BET1L: variants seen among roughly 807,000 people sequenced by gnomAD.
BET1L encodes the protein BET1-like protein.
Under a neutral mutation model 12.6 loss-of-function variants are expected in BET1L, and 13 were observed. The ratio of observed to expected loss-of-function variants is 1.03; its 90% CI spans 0.67 to 1.64. The LOEUF is 1.64. BET1L is among the 40% of genes most tolerant of loss of function. BET1L has a pLI of 0.00. For synonymous variants in BET1L, 60 were observed against 56.9 expected (o/e 1.05, Z -0.25); for missense variants, 154 against 150.7 (o/e 1.02, Z -0.11).
rs1855082855 is a variant in BET1L, at chr11:203,594, G to T, written c.*1708C>A. ...AGATGGAGATACAATGCAGGCAGCT[G>T]CTACCATGCTTGGTGACCAGGGTAC... On this transcript the variant is annotated 3_prime_UTR_variant, in exon 4 of 4. Coordinates refer to ENST00000382762, the MANE Select transcript of BET1L (RefSeq NM_001098787.2). The T allele has an allele frequency of 6.6e-6, 1 of 152,610 alleles. No homozygotes were observed. The highest frequency in any genetic ancestry group is 1.5e-5 in the Non-Finnish European group (1 of 68,088). The allele number at this position is 152,610 out of a possible 1,614,324, so 9.5% of individuals were successfully genotyped here.
chr11:207,270 C>G (rs755208111), intron 1 of BET1L, 33 bp downstream of exon 1: 5 of 1,525,426 alleles, frequency 3.3e-6, no homozygotes, highest in Non-Finnish European at 3.5e-6. Flanking sequence ...CGGCCCGGCC[C>G]TGCCCCCAAC....
rs746066795 is a variant in BET1L, at chr11:206,004, T to C, written c.59A>G (p.Glu20Gly). Residue 20 changes from glutamate to glycine, a missense_variant, in exon 2 of 4, where the codon GAG becomes GGG. Transcript: ENST00000382762. ...CAGGCTGTCAGCCATTCGCTTGTTCTCCCGGTCTAGAATCTCTTCCACAGC... is the reference window on the plus strand; with the variant it reads ...CAGGCTGTCAGCCATTCGCTTGTTCCCCCGGTCTAGAATCTCTTCCACAGC... ...PGAVEEILDR[E>G]NKRMADSLAS... is the part of the protein sequence containing the mutation. 9.9e-6 allele frequency: 16 copies of C among 1,613,954 alleles called. No individual in the cohort carries two copies. The South Asian group carries it at 1.6e-4, about 17-fold the overall frequency.
At chr11:206,538 T>C (rs1438239160) in intron 1 of BET1L, among the ~76,000 whole-genome samples, 2 of 152,174 alleles carry the variant, frequency 1.3e-5, no homozygotes, top group Non-Finnish European at 2.9e-5. Context: ...GACAGAACAT[T>C]GGGAAGGCCC....
At position 203,507 on chromosome 11, in the gene BET1L, G is replaced by A. The variant is rs978802510; in HGVS notation, c.*1795C>T. 6.6e-6 allele frequency: 1 copy of A among 152,586 alleles called. No homozygotes were observed. Among genetic ancestry groups the A allele is most frequent in the African/African-American group, 2.4e-5 (1 of 41,464 alleles). 9.5% of individuals were successfully genotyped at this position (152,586 alleles called of 1,614,324 possible). Reference sequence around the variant, plus strand: ...AGCTCAGCCACATTCCCCAGAAACGGAGGTCAGCCCTCCATGGCCCAGGAA... The same window carrying A: ...AGCTCAGCCACATTCCCCAGAAACGAAGGTCAGCCCTCCATGGCCCAGGAA... On this transcript the variant is annotated 3_prime_UTR_variant, in exon 4 of 4. Coordinates refer to ENST00000382762, the MANE Select transcript of BET1L (RefSeq NM_001098787.2).
intron 3 of BET1L, 44 bp downstream of exon 3, chr11:205,567 G>C (rs1855128441): frequency 6.2e-7 from 1 of 1,614,138 alleles, no homozygotes; most frequent in African/African-American, 1.3e-5. Context: ...GCAGCAGGTA[G>C]TGCTAGGGCA....
rs1855108769 is a variant in BET1L, at chr11:204,523, C to T, written c.*779G>A. ...CTGACTCTGAAATGCCAGACAGGCC[C>T]ATTTCTAGGTCTGTTCTCCTGAAAA... is the stretch of plus-strand genomic sequence containing the variant. On this transcript the variant is annotated 3_prime_UTR_variant, in exon 4 of 4. Transcript: ENST00000382762. The T allele has an allele frequency of 1.3e-5, 2 of 152,246 alleles. No homozygotes were observed. The highest frequency in any genetic ancestry group is 6.5e-5 in the Admixed American group (1 of 15,286). 9.4% of individuals were successfully genotyped at this position (152,246 alleles called of 1,614,324 possible).
chr11:204,931 G>C lies in BET1L; in HGVS notation c.*371C>G. 3.7e-6 allele frequency: 1 copy of C among 271,138 alleles called. No individual in the cohort carries two copies. Among genetic ancestry groups the C allele is most frequent in the Non-Finnish European group, 7.3e-6 (1 of 137,518 alleles). The allele number at this position is 271,138 out of a possible 1,614,324, so 16.8% of individuals were successfully genotyped here. On this transcript the variant is annotated 3_prime_UTR_variant, in exon 4 of 4. Transcript: ENST00000382762. ...GACCGTGCAGCCTTAAGATGTCAGA[G>C]TCCCAAGCGCGGGGAGAAGGGCTGC...
chr11:205,197 T>G lies in BET1L; in HGVS notation c.*105A>C, dbSNP rs1380440073. On this transcript the variant is annotated 3_prime_UTR_variant, in exon 4 of 4. Transcript: ENST00000382762. ...GAAGAAGATTCCTGACCCACAATTATCATTGCAAAGGAGTATTTTGTAGGT... is the reference window on the plus strand; with the variant it reads ...GAAGAAGATTCCTGACCCACAATTAGCATTGCAAAGGAGTATTTTGTAGGT... 1.2e-5 allele frequency: 17 copies of G among 1,375,476 alleles called. No individual in the cohort carries two copies. The highest frequency in any genetic ancestry group is 2.7e-5 in the Admixed American group (1 of 37,334). 85.2% of individuals were successfully genotyped at this position (1,375,476 alleles called of 1,614,324 possible).
Position 207,364 on chromosome 11 carries a change from A to ACAGCCGCCTCAGACGTGGCCC in BET1L, c.-44_-43insGGGCCACGTCTGAGGCGGCTG, listed in dbSNP as rs1855201761. The ACAGCCGCCTCAGACGTGGCCC allele has an allele frequency of 1.9e-6, 3 of 1,543,344 alleles. No homozygotes were observed. Among genetic ancestry groups the ACAGCCGCCTCAGACGTGGCCC allele is most frequent in the Non-Finnish European group, 1.7e-6 (2 of 1,152,736 alleles). ...CCTCGACGCGGACACCGACGCGGCCACAGCCGCCTCAGACGTGGCGCAGTC... is the reference window on the plus strand; with the variant it reads ...CCTCGACGCGGACACCGACGCGGCCACAGCCGCCTCAGACGTGGCCCCAGCCGCCTCAGACGTGGCGCAGTC... On this transcript the variant is annotated 5_prime_UTR_variant, in exon 1 of 4. Coordinates refer to ENST00000382762, the MANE Select transcript of BET1L (RefSeq NM_001098787.2).
At chr11:207,149 C>A (rs1258667682) in intron 1 of BET1L, 154 bp downstream of exon 1, 2 of 1,076,382 alleles carry the variant, frequency 1.9e-6, no homozygotes, top group South Asian at 3.6e-5. Flanking sequence ...CGGCCCTGCT[C>A]GGACCCGGAA....
rs1855117084 is a variant in BET1L at position 205,066 on chromosome 11, G to GGGGAGGT, written c.*235_*236insACCTCCC. On this transcript the variant is annotated 3_prime_UTR_variant, in exon 4 of 4. Coordinates refer to ENST00000382762, the MANE Select transcript of BET1L (RefSeq NM_001098787.2). ...CTGGCTCTCTAGCACCTGGGGGAGG[G>GGGGAGGT]GGGAGGGGCTGGGCCTTGGTTTCCC... is the stretch of plus-strand genomic sequence containing the variant. The GGGGAGGT allele has an allele frequency of 1.9e-6, 1 of 537,480 alleles. No homozygotes were observed. The highest frequency in any genetic ancestry group is 3.5e-5 in the East Asian group (1 of 28,470). 33.3% of individuals were successfully genotyped at this position (537,480 alleles called of 1,614,324 possible).
intron 1 of BET1L, chr11:206,983 T>C (rs1204607934): frequency 4.7e-6 from 2 of 423,012 alleles, no homozygotes; most frequent in Non-Finnish European, 4.2e-6. Flanking sequence ...CCTCGGGACC[T>C]GTCGAATGCC....
chr11:207,186 G>C, intron 1 of BET1L, 117 bp downstream of exon 1: 4 of 1,334,754 alleles, frequency 3.0e-6, no homozygotes, highest in Non-Finnish European at 4.0e-6. Flanking sequence ...CCCTGACAGG[G>C]TCCTCTCGGC....
chr11:205,318 G>A lies in BET1L; in HGVS notation c.320C>T (p.Ser107Phe). 1 of 1,613,180 alleles carries A rather than the reference G, an allele frequency of 6.2e-7. No individual in the cohort carries two copies. The highest frequency in any genetic ancestry group is 8.5e-7 in the Non-Finnish European group (1 of 1,179,456). ...CCCACTGGCTCACGTCCTTGCCCTG[G>A]ACAAGAAGTAGGAGAGGATGAAGAA... ...VAFFILSYFL[S>F]RART Residue 107 changes from serine to phenylalanine, a missense_variant, in exon 4 of 4, where the codon TCC (serine) becomes TTC (phenylalanine). Physicochemically the swap from Ser to Phe is radical, Grantham distance 155. Transcript: ENST00000382762.
rs560010903 is a variant in BET1L, at chr11:204,418, C to G, written c.*884G>C. The G allele has an allele frequency of 6.6e-6, 1 of 152,382 alleles. No individual in the cohort carries two copies. The highest frequency in any genetic ancestry group is 2.1e-4 in the South Asian group (1 of 4,830). The allele number at this position is 152,382 out of a possible 1,614,324, so 9.4% of individuals were successfully genotyped here. ...CGGAGGCGCCAAAGTTACCAGCAAGCTAGAAGGCAACAACTGATAGCCCTC... is the reference window on the plus strand; with the variant it reads ...CGGAGGCGCCAAAGTTACCAGCAAGGTAGAAGGCAACAACTGATAGCCCTC... On this transcript the variant is annotated 3_prime_UTR_variant, in exon 4 of 4. Transcript: ENST00000382762.
chr11:203,339 AAC>A lies in BET1L; in HGVS notation c.*1961_*1962del, dbSNP rs1855077769. 1 of 152,066 alleles carries A rather than the reference AAC, an allele frequency of 6.6e-6. No homozygotes were observed. The highest frequency in any genetic ancestry group is 2.4e-5 in the African/African-American group (1 of 41,394). The allele number at this position is 152,066 out of a possible 1,614,324, so 9.4% of individuals were successfully genotyped here. On this transcript the variant is annotated 3_prime_UTR_variant, in exon 4 of 4. Transcript: ENST00000382762. ...ATGGAGATAAGAGAGGCGGGGAGGG[AAC>A]ACAGTGACTGAGTCTGAGAGACAGC...
intron 1 of BET1L, among the ~76,000 whole-genome samples, chr11:206,408 A>G (rs1193047435): frequency 2.0e-5 from 3 of 152,250 alleles, no homozygotes; most frequent in Non-Finnish European, 4.4e-5. Context: ...TCTTATAGAA[A>G]AAGAGTAAAC....
chr11:207,152 A>C, intron 1 of BET1L, 151 bp downstream of exon 1: 1 of 1,105,580 alleles, frequency 9.0e-7, no homozygotes, highest in Non-Finnish European at 1.2e-6. Context: ...CCCTGCTCGG[A>C]CCCGGAAGGA....
At chr11:207,016 A>C in intron 1 of BET1L, 1 of 486,066 alleles carries the variant, frequency 2.1e-6, no homozygotes, top group Admixed American at 4.3e-5. Flanking sequence ...CCCCGAACCC[A>C]TGCAGAACGA....
Sources: gnomAD v4.1 joint callset for allele counts (sites outside exome capture counted in the v4.1 genomes callset) on GRCh38, gnomAD v4.1.1 for gene constraint, MANE v1.5 for transcripts, NCBI Gene and HGNC (gene_info 2026-07-23, HGNC 2026-07-21) for gene names.